ASXL3: variants seen among roughly 807,000 people sequenced by gnomAD.
The protein encoded by ASXL3 is ASXL transcriptional regulator 3, also known as putative Polycomb group protein ASXL3.
Under a neutral mutation model 170.6 loss-of-function variants are expected in ASXL3, and 34 were observed. The ratio of observed to expected loss-of-function variants is 0.20; its 90% CI spans 0.15 to 0.27. The LOEUF (loss-of-function observed/expected upper bound fraction) is 0.27, where lower values mean the gene tolerates loss of function less well. Ranked by LOEUF, ASXL3 falls within the 10% of genes least tolerant of loss-of-function variation. ASXL3 has a pLI of 1.00. For synonymous variants in ASXL3, 1,002 were observed against 989.1 expected, an observed-to-expected ratio of 1.01 and a Z score of -0.24; for missense variants, 2,592 against 2,695.3, an observed-to-expected ratio of 0.96 and a Z score of 0.85.
intron 1 of ASXL3, among the ~76,000 whole-genome samples, chr18:33,601,785 G>GTTTATATATA (rs376654969): frequency 0.035 from 3,645 of 103,954 alleles, 457 homozygotes; most frequent in African/African-American, 0.098. Context: ...ATATCTGATT[G>GTTTATATATA]TATATATATA....
chr18:33,661,159 A>G (rs1364245194), intron 4 of ASXL3, among the ~76,000 whole-genome samples: 1 of 152,184 alleles, frequency 6.6e-6, no homozygotes, highest in Non-Finnish European at 1.5e-5. Flanking sequence ...CACAGATTCT[A>G]TAGTAGTAAG....
At chr18:33,661,791 T>C in intron 5 of ASXL3, 54 bp downstream of exon 5, 11 of 1,563,644 alleles carry the variant, frequency 7.0e-6, no homozygotes, top group Non-Finnish European at 9.5e-6. Context: ...CTTAAGGTAA[T>C]GTGTGTTTTG....
In ASXL3 at chr18:33,732,019, T is replaced by C. The variant is rs1196959921; in HGVS notation, c.931T>C (p.Phe311Leu). The change falls in exon 9 of 12, where the codon TTC becomes CTC. Residue 311 changes from phenylalanine (F) to leucine (L), a missense_variant. Physicochemically the swap from Phe to Leu is conservative, Grantham distance 22. Transcript: ENST00000269197. ...CAGTACTTCAGCTCTAAATAATGAA[T>C]TCTTTGCATATGCAGCACAAGGGTG... is the stretch of plus-strand genomic sequence containing the variant. ...RLSTSALNNE[F>L]FAYAAQGWKQ... 1 of 1,613,192 alleles carries C rather than the reference T, an allele frequency of 6.2e-7. No homozygotes were observed. Among genetic ancestry groups the C allele is most frequent in the Admixed American group, 1.7e-5 (1 of 59,798 alleles).
At chr18:33,676,300 T>C (rs528701832) in intron 7 of ASXL3, among the ~76,000 whole-genome samples, 45 of 148,870 alleles carry the variant, frequency 3.0e-4, no homozygotes, top group African/African-American at 1.0e-3. Context: ...CTGAGAAATA[T>C]ACCACCCAGC....
chr18:33,738,008 C>T (rs1010513880), intron 10 of ASXL3, among the ~76,000 whole-genome samples: 2 of 152,102 alleles, frequency 1.3e-5, no homozygotes, highest in South Asian at 4.2e-4. Flanking sequence ...ATGTAATTTT[C>T]TTATTCCTTT....
intron 1 of ASXL3, among the ~76,000 whole-genome samples, chr18:33,591,272 C>T (rs1015010251): frequency 6.6e-6 from 1 of 152,026 alleles, no homozygotes; most frequent in South Asian, 2.1e-4. Context: ...TTTTACTTAG[C>T]TTTGTGGAAA....
rs888923663 is a variant in ASXL3 at position 33,747,574 on chromosome 18, C to T, written c.*979C>T. The T allele has an allele frequency of 6.6e-6, 1 of 152,024 alleles. No homozygotes were observed. Among genetic ancestry groups the T allele is most frequent in the Non-Finnish European group, 1.5e-5 (1 of 68,014 alleles). The allele number at this position is 152,024 out of a possible 1,614,324, so 9.4% of individuals were successfully genotyped here. A position where few individuals can be genotyped will look rare whatever the true frequency, so the allele number is the denominator to read the frequency against. On this transcript the variant is annotated 3_prime_UTR_variant, in exon 12 of 12. Transcript: ENST00000269197. ...TCATTGTAGCCCTTTATTGATGACA[C>T]CCATTCATTCTGGCTTCAGACCTTG...
At chr18:33,597,606 A>G (rs1015103005) in intron 1 of ASXL3, among the ~76,000 whole-genome samples, 2 of 152,100 alleles carry the variant, frequency 1.3e-5, no homozygotes, top group Non-Finnish European at 2.9e-5. Context: ...TTACATTGTA[A>G]TAGTACTGTT....
chr18:33,607,685 C>A lies in ASXL3; in HGVS notation c.137+9C>A. On this transcript the variant is annotated intron_variant, in intron 2 of 11. Coordinates refer to ENST00000269197, the MANE Select transcript of ASXL3 (RefSeq NM_030632.3). ...GGGTTAAAAGAAACAAGGTCAGTAT[C>A]CATATTTAAAACATTTTCTGTTTTC... 6.4e-7 allele frequency: 1 copy of A among 1,553,080 alleles called. No homozygotes were observed. The highest frequency in any genetic ancestry group is 8.7e-7 in the Non-Finnish European group (1 of 1,144,606).
chr18:33,670,171 A>G (rs958529852), intron 5 of ASXL3, among the ~76,000 whole-genome samples: 4 of 152,314 alleles, frequency 2.6e-5, no homozygotes, highest in South Asian at 4.1e-4. Flanking sequence ...GATTTTGTGC[A>G]GTGCTCCCCA....
chr18:33,696,994 T>G (rs532850774), intron 8 of ASXL3, among the ~76,000 whole-genome samples: 6 of 152,258 alleles, frequency 3.9e-5, no homozygotes, highest in African/African-American at 1.4e-4. Flanking sequence ...ATGAAATATT[T>G]GTACAGGGTC....
chr18:33,734,274 C>A, intron 9 of ASXL3, 36 bp from the exon 10 acceptor site: 1 of 1,409,210 alleles, frequency 7.1e-7, no homozygotes, highest in South Asian at 1.4e-5. Context: ...AAAGATGTGA[C>A]CACATTTATT....
At chr18:33,621,871 A>G (rs1417545345) in intron 2 of ASXL3, among the ~76,000 whole-genome samples, 4 of 152,156 alleles carry the variant, frequency 2.6e-5, no homozygotes, top group Admixed American at 6.6e-5. Context: ...GATTTTCCCC[A>G]TGGACTTAAC....
intron 5 of ASXL3, among the ~76,000 whole-genome samples, chr18:33,668,563 G>A (rs763793564): frequency 2.0e-5 from 3 of 152,040 alleles, no homozygotes; most frequent in Non-Finnish European, 4.4e-5. Flanking sequence ...CTGATCAGGA[G>A]ACATATATTC....
At chr18:33,692,615 A>G (rs1568331634) in intron 8 of ASXL3, among the ~76,000 whole-genome samples, 1 of 152,118 alleles carries the variant, frequency 6.6e-6, no homozygotes, top group African/African-American at 2.4e-5. Context: ...GGCACTCACT[A>G]TAGTCTCTGA....
intron 2 of ASXL3, chr18:33,626,816 G>A (rs1198428630): frequency 2.0e-5 from 3 of 152,388 alleles, no homozygotes; most frequent in African/African-American, 4.8e-5. Flanking sequence ...TAGAAGAGTG[G>A]TTTGTGGGAG....
Position 33,745,987 on chromosome 18 carries a change from A to C in ASXL3, c.6139A>C (p.Asn2047His). 7.1e-7 allele frequency: 1 copy of C among 1,414,562 alleles called. No individual in the cohort carries two copies. Among genetic ancestry groups the C allele is most frequent in the Non-Finnish European group, 9.4e-7 (1 of 1,066,828 alleles). The allele number at this position is 1,414,562 out of a possible 1,614,324, so 87.6% of individuals were successfully genotyped here. Reference protein sequence around the residue: ...PPPPLPPPLPNAEVPSDQKQP... With the variant: ...PPPPLPPPLPHAEVPSDQKQP... The stretch of plus-strand genomic sequence containing the variant: ...ACCTCCGCTACCTCCACCTCTCCCT[A>C]ATGCAGAAGTCCCATCTGATCAAAA... The change falls in exon 12 of 12, where the codon AAT (asparagine) becomes CAT (histidine). Residue 2047 changes from asparagine (N) to histidine (H), a missense_variant. Physicochemically the swap from Asn to His is moderately conservative, Grantham distance 68. Coordinates refer to ENST00000269197, the MANE Select transcript of ASXL3 (RefSeq NM_030632.3).
chr18:33,668,954 A>G (rs551956069), intron 5 of ASXL3, among the ~76,000 whole-genome samples: 2 of 151,968 alleles, frequency 1.3e-5, no homozygotes, highest in Admixed American at 6.5e-5. Context: ...TTTTTTTTCC[A>G]TGAGAAGTAG....
At chr18:33,608,182 T>A (rs143734687) in intron 2 of ASXL3, among the ~76,000 whole-genome samples, 130 of 152,070 alleles carry the variant, frequency 8.5e-4, no homozygotes, top group African/African-American at 2.9e-3. Flanking sequence ...TTTAGTGGGT[T>A]ATGTTATATT....
Sources: gnomAD v4.1 joint callset for allele counts (sites outside exome capture counted in the v4.1 genomes callset) on GRCh38, gnomAD v4.1.1 for gene constraint, MANE v1.5 for transcripts, NCBI Gene and HGNC (gene_info 2026-07-23, HGNC 2026-07-21) for gene names.